CSRNP3: variants seen among roughly 807,000 people sequenced by gnomAD.
The protein encoded by CSRNP3 is cysteine and serine rich nuclear protein 3.
In CSRNP3, 12 loss-of-function variants were observed where a neutral mutation model predicts 48.0. The ratio of observed to expected loss-of-function variants is 0.25; its 90% CI spans 0.16 to 0.41. CSRNP3 has a LOEUF of 0.41. Among genes scored for constraint, CSRNP3 ranks in the 10% least tolerant of loss-of-function variants. CSRNP3 has a pLI of 1.00. For synonymous variants in CSRNP3, 263 were observed against 269.7 expected, an observed-to-expected ratio of 0.98 and a Z score of 0.24; for missense variants, 580 against 724.4, an observed-to-expected ratio of 0.80 and a Z score of 2.29.
intron 1 of CSRNP3, among the ~76,000 whole-genome samples, chr2:165,487,581 A>G (rs1684138385): frequency 6.8e-6 from 1 of 148,100 alleles, no homozygotes; most frequent in African/African-American, 2.6e-5. Flanking sequence ...AGCCCATCAG[A>G]CTAACAGCGG....
At chr2:165,560,067 G>A (rs1450529447) in intron 3 of CSRNP3, among the ~76,000 whole-genome samples, 1 of 151,854 alleles carries the variant, frequency 6.6e-6, no homozygotes, top group Non-Finnish European at 1.5e-5. Flanking sequence ...CCAAAGTGTT[G>A]GGATTACAGA....
At chr2:165,506,952 G>A (rs73969262) in intron 2 of CSRNP3, among the ~76,000 whole-genome samples, 1,576 of 151,840 alleles carry the variant, frequency 0.01, 30 homozygotes, top group African/African-American at 0.033. Flanking sequence ...AATGTGTTGG[G>A]CCACCAATAA....
chr2:165,570,292 T>G (rs1281377949), intron 3 of CSRNP3, among the ~76,000 whole-genome samples: 1 of 152,044 alleles, frequency 6.6e-6, no homozygotes, highest in Non-Finnish European at 1.5e-5. Context: ...ATGAATAAAT[T>G]GTCAGCTTCT....
intron 4 of CSRNP3, among the ~76,000 whole-genome samples, chr2:165,596,274 A>T (rs1413813105): frequency 6.6e-6 from 1 of 151,984 alleles, no homozygotes. Context: ...TAGCATAGTT[A>T]AATAATCTTT....
chr2:165,641,493 C>T (rs1010029935), intron 4 of CSRNP3, among the ~76,000 whole-genome samples: 8 of 152,152 alleles, frequency 5.3e-5, no homozygotes, highest in South Asian at 2.1e-4. Context: ...CTTACTGAAT[C>T]GTTAATCAAA....
intron 3 of CSRNP3, among the ~76,000 whole-genome samples, chr2:165,550,489 G>A (rs1685082436): frequency 6.6e-6 from 1 of 152,086 alleles, no homozygotes; most frequent in Admixed American, 6.5e-5. Context: ...GTCTTCCTGG[G>A]ACAAATAAAT....
At chr2:165,612,020 A>C (rs1346894433) in intron 4 of CSRNP3, among the ~76,000 whole-genome samples, 1 of 152,026 alleles carries the variant, frequency 6.6e-6, no homozygotes, top group Non-Finnish European at 1.5e-5. Context: ...AATTTAACAC[A>C]TTTGCTCTTG....
chr2:165,614,382 G>A (rs907644950), intron 4 of CSRNP3, among the ~76,000 whole-genome samples: 6 of 152,100 alleles, frequency 3.9e-5, no homozygotes, highest in African/African-American at 1.4e-4. Context: ...CTGCAAAGAA[G>A]GACAATTTGA....
intron 2 of CSRNP3, among the ~76,000 whole-genome samples, chr2:165,514,666 A>G (rs568127735): frequency 8.7e-4 from 133 of 152,264 alleles, no homozygotes; most frequent in African/African-American, 3.0e-3. Flanking sequence ...CAGATCCCCA[A>G]TACTTGGACC....
At chr2:165,529,805 C>G (rs140793260) in intron 3 of CSRNP3, among the ~76,000 whole-genome samples, 41 of 152,124 alleles carry the variant, frequency 2.7e-4, no homozygotes, top group African/African-American at 8.9e-4. Context: ...TTGAATTTAA[C>G]CAAAATTAAA....
At chr2:165,574,455 C>G in intron 3 of CSRNP3, 1 of 1,501,798 alleles carries the variant, frequency 6.7e-7, no homozygotes, top group Non-Finnish European at 9.0e-7. Context: ...TCATGATGCG[C>G]CTGATTTTAT....
intron 4 of CSRNP3, among the ~76,000 whole-genome samples, chr2:165,603,051 G>C (rs957532231): frequency 6.6e-6 from 1 of 151,792 alleles, no homozygotes; most frequent in Admixed American, 6.6e-5. Flanking sequence ...ACCTGCCATC[G>C]TGCCCGGCTA....
chr2:165,585,920 G>T (rs1016136377), intron 3 of CSRNP3, among the ~76,000 whole-genome samples: 1 of 152,144 alleles, frequency 6.6e-6, no homozygotes, highest in Admixed American at 6.5e-5. Context: ...GGACAGAGGG[G>T]CTCTTGATGC....
intron 4 of CSRNP3, among the ~76,000 whole-genome samples, chr2:165,641,697 AC>A (rs1686723869): frequency 6.6e-6 from 1 of 152,200 alleles, no homozygotes; most frequent in South Asian, 2.1e-4. Flanking sequence ...AAGCCTGTGT[AC>A]CTGAGACAGA....
At chr2:165,670,778 C>T (rs1439046286) in intron 5 of CSRNP3, among the ~76,000 whole-genome samples, 3 of 152,138 alleles carry the variant, frequency 2.0e-5, no homozygotes, top group Non-Finnish European at 4.4e-5. Flanking sequence ...CTCTTTCTTT[C>T]ACACTCAAGA....
At chr2:165,546,085 A>G (rs953859442) in intron 3 of CSRNP3, among the ~76,000 whole-genome samples, 3 of 152,220 alleles carry the variant, frequency 2.0e-5, no homozygotes, top group Non-Finnish European at 2.9e-5. Flanking sequence ...GCCTGAAATC[A>G]TAACATGAAG....
At chr2:165,474,758 A>G (rs561434400) in intron 1 of CSRNP3, among the ~76,000 whole-genome samples, 15 of 152,326 alleles carry the variant, frequency 9.8e-5, no homozygotes, top group Admixed American at 8.5e-4. Flanking sequence ...GTGAAAAAGC[A>G]TGGTGTGGCC....
intron 4 of CSRNP3, among the ~76,000 whole-genome samples, chr2:165,607,125 T>C (rs916761569): frequency 4.6e-5 from 7 of 152,142 alleles, no homozygotes; most frequent in Admixed American, 6.5e-5. Flanking sequence ...TGAAAGTCCA[T>C]AGATTTCCTT....
intron 1 of CSRNP3, among the ~76,000 whole-genome samples, chr2:165,482,024 G>A (rs957751767): frequency 1.3e-5 from 2 of 151,904 alleles, no homozygotes; most frequent in African/African-American, 4.8e-5. Context: ...CCAAGCCCCT[G>A]TGACATACAA....
Sources: allele counts gnomAD v4.1 joint callset (sites outside exome capture counted in the v4.1 genomes callset), GRCh38; gene constraint gnomAD v4.1.1; transcripts MANE v1.5; gene names NCBI Gene and HGNC (gene_info 2026-07-23, HGNC 2026-07-21).